CHN2: variants seen among roughly 807,000 people sequenced by gnomAD.
CHN2 encodes the protein chimerin 2.
In CHN2, 35 loss-of-function variants were observed where a neutral mutation model predicts 56.3. That is an observed-to-expected ratio of 0.62 (90% CI 0.47 to 0.82). CHN2 has a LOEUF of 0.82. CHN2 is among the 40% of genes least tolerant of loss of function. CHN2 has a pLI of 0.00. For synonymous variants in CHN2, 210 were observed against 212.8 expected (o/e 0.99, Z 0.12); for missense variants, 491 against 580.5 (o/e 0.85, Z 1.58).
Position 29,449,819 on chromosome 7 carries a change from G to A in CHN2, c.577-30460G>A, listed in dbSNP as rs188375556. Among the ~76,000 whole-genome samples, 8 of 152,326 alleles carry A rather than the reference G, an allele frequency of 5.3e-5. No homozygotes were observed. In the East Asian group the frequency reaches 1.5e-3, roughly 29 times the overall value. On this transcript the variant is annotated intron_variant, in intron 6 of 12. Coordinates refer to ENST00000222792, the MANE Select transcript of CHN2 (RefSeq NM_004067.4). ...GTTCAAGGCATGTGAAGTAATTTAGGCCAAGGCCAAGCCCAAAGAGCAAAG... is the reference window on the plus strand; with the variant it reads ...GTTCAAGGCATGTGAAGTAATTTAGACCAAGGCCAAGCCCAAAGAGCAAAG...
At chr7:29,219,673 A>G (rs1004105640) in intron 1 of CHN2, among the ~76,000 whole-genome samples, 2 of 152,246 alleles carry the variant, frequency 1.3e-5, no homozygotes, top group Non-Finnish European at 2.9e-5. Flanking sequence ...TGTTAGAAAT[A>G]TATATACCAT....
intron 1 of CHN2, among the ~76,000 whole-genome samples, chr7:29,317,127 G>A (rs1055787025): frequency 1.3e-5 from 2 of 152,150 alleles, no homozygotes; most frequent in African/African-American, 4.8e-5. Context: ...CAGATAATGA[G>A]CACAGTTATG....
At chr7:29,496,309 G>A (rs923059703) in intron 8 of CHN2, among the ~76,000 whole-genome samples, 1 of 151,060 alleles carries the variant, frequency 6.6e-6, no homozygotes, top group African/African-American at 2.4e-5. Context: ...GCAGTAGTCC[G>A]TAAAAGAAAA....
At chr7:29,499,130 C>G (rs1789651169) in intron 8 of CHN2, among the ~76,000 whole-genome samples, 1 of 152,174 alleles carries the variant, frequency 6.6e-6, no homozygotes, top group Admixed American at 6.5e-5. Context: ...TTCGTGTTTT[C>G]ATTGAACTTT....
At chr7:29,363,807 T>A (rs1226472012) in intron 2 of CHN2, among the ~76,000 whole-genome samples, 1 of 152,048 alleles carries the variant, frequency 6.6e-6, no homozygotes, top group African/African-American at 2.4e-5. Flanking sequence ...GAGCGAGCCA[T>A]GTGGATATCT....
intron 9 of CHN2, among the ~76,000 whole-genome samples, chr7:29,503,654 C>T (rs1396316601): frequency 1.3e-5 from 2 of 152,266 alleles, no homozygotes; most frequent in East Asian, 3.9e-4. Flanking sequence ...TCGTGATTTA[C>T]GCCACGTATT....
chr7:29,417,665 C>T (rs1803912365), intron 6 of CHN2, among the ~76,000 whole-genome samples: 1 of 152,066 alleles, frequency 6.6e-6, no homozygotes, highest in South Asian at 2.1e-4. Context: ...TCATGTGGTT[C>T]AAACTAATAT....
At chr7:29,392,284 T>C (rs1436782295) in intron 3 of CHN2, among the ~76,000 whole-genome samples, 1 of 152,208 alleles carries the variant, frequency 6.6e-6, no homozygotes, top group African/African-American at 2.4e-5. Flanking sequence ...AAGACTGATA[T>C]AAATGACAAC....
chr7:29,272,387 C>A (rs1205241175), intron 1 of CHN2, among the ~76,000 whole-genome samples: 1 of 152,130 alleles, frequency 6.6e-6, no homozygotes, highest in African/African-American at 2.4e-5. Flanking sequence ...CTCTGCCTTG[C>A]CAGGGAGAAT....
chr7:29,212,967 T>G (rs1785068008), intron 1 of CHN2: 2 of 1,609,432 alleles, frequency 1.2e-6, no homozygotes, highest in South Asian at 2.2e-5. Flanking sequence ...CCTGGAACAC[T>G]CAGACCTGGT....
At chr7:29,412,309 T>C (rs1803291921) in intron 6 of CHN2, among the ~76,000 whole-genome samples, 1 of 147,992 alleles carries the variant, frequency 6.8e-6, no homozygotes, top group African/African-American at 2.5e-5. Flanking sequence ...TAAGGCGCTC[T>C]GCTAAAGAGT....
At chr7:29,246,851 A>G (rs1788117145) in intron 1 of CHN2, among the ~76,000 whole-genome samples, 3 of 152,216 alleles carry the variant, frequency 2.0e-5, no homozygotes, top group South Asian at 2.1e-4. Flanking sequence ...TTTTATAGGC[A>G]CTAATCCTGT....
chr7:29,463,155 A>C (rs1195397128), intron 6 of CHN2, among the ~76,000 whole-genome samples: 1 of 151,980 alleles, frequency 6.6e-6, no homozygotes, highest in Admixed American at 6.6e-5. Context: ...TCTTTTTGTG[A>C]GGGAAGAACC....
At chr7:29,422,104 T>A (rs745862037) in intron 6 of CHN2, among the ~76,000 whole-genome samples, 2 of 152,230 alleles carry the variant, frequency 1.3e-5, no homozygotes, top group African/African-American at 2.4e-5. Context: ...GTATACATGG[T>A]CAGAATTCAT....
chr7:29,415,495 T>TAAAAAC (rs1010511554), intron 6 of CHN2, among the ~76,000 whole-genome samples: 3 of 151,990 alleles, frequency 2.0e-5, no homozygotes, highest in East Asian at 1.9e-4. Flanking sequence ...AATGGAGTCC[T>TAAAAAC]AAAAACAAAA....
At chr7:29,215,376 C>T (rs1219771123) in intron 1 of CHN2, among the ~76,000 whole-genome samples, 1 of 152,074 alleles carries the variant, frequency 6.6e-6, no homozygotes, top group East Asian at 1.9e-4. Flanking sequence ...TGAGGCACTC[C>T]CAACTTCTCA....
chr7:29,362,187 A>G (rs761360750), intron 2 of CHN2, among the ~76,000 whole-genome samples: 1 of 152,140 alleles, frequency 6.6e-6, no homozygotes, highest in Non-Finnish European at 1.5e-5. Context: ...TCCACCATCT[A>G]GTTAGGCAAC....
At chr7:29,267,698 G>T (rs1336165302) in intron 1 of CHN2, among the ~76,000 whole-genome samples, 1 of 152,288 alleles carries the variant, frequency 6.6e-6, no homozygotes, top group African/African-American at 2.4e-5. Context: ...ATGTCAATGT[G>T]TCCCTGTTGT....
chr7:29,424,721 G>A (rs1406353000), intron 6 of CHN2, among the ~76,000 whole-genome samples: 1 of 152,184 alleles, frequency 6.6e-6, no homozygotes, highest in African/African-American at 2.4e-5. Context: ...TTAGGCCAAA[G>A]TTCACAGCCT....
Sources: gnomAD v4.1 joint callset for allele counts (sites outside exome capture counted in the v4.1 genomes callset) on GRCh38, gnomAD v4.1.1 for gene constraint, MANE v1.5 for transcripts, NCBI Gene and HGNC (gene_info 2026-07-23, HGNC 2026-07-21) for gene names.